DCAF6: variants seen among roughly 807,000 people sequenced by gnomAD.
The protein encoded by DCAF6 is DDB1- and CUL4-associated factor 6.
In DCAF6, 54 loss-of-function variants were observed where a neutral mutation model predicts 125.1. The ratio of observed to expected loss-of-function variants is 0.43; its 90% CI spans 0.35 to 0.54. The LOEUF is 0.54. Among genes scored for constraint, DCAF6 ranks in the 20% least tolerant of loss-of-function variants. DCAF6 has a pLI of 0.01. For missense variants in DCAF6, 934 were observed against 1,161.7 expected, an observed-to-expected ratio of 0.80 and a Z score of 2.85; for synonymous variants, 371 against 390.4, an observed-to-expected ratio of 0.95 and a Z score of 0.58.
chr1:168,022,985 C>A lies in DCAF6; in HGVS notation c.1550-3C>A. ...TTAAGTTGAAATCTCATTTTTGTTTCAGATTCTCCTTCTTCTGTGGTTAAC... is the reference window on the plus strand; with the variant it reads ...TTAAGTTGAAATCTCATTTTTGTTTAAGATTCTCCTTCTTCTGTGGTTAAC... On this transcript the variant is annotated splice_polypyrimidine_tract_variant and splice_region_variant and intron_variant, in intron 11 of 21. Transcript: ENST00000367840. 6.2e-7 allele frequency: 1 copy of A among 1,613,916 alleles called. No individual in the cohort carries two copies. The highest frequency in any genetic ancestry group is 2.2e-5 in the East Asian group (1 of 44,870).
At chr1:168,067,629 C>T (rs987446517) in intron 20 of DCAF6, among the ~76,000 whole-genome samples, 7 of 152,268 alleles carry the variant, frequency 4.6e-5, no homozygotes, top group Admixed American at 1.3e-4. Context: ...TCAAACTAAA[C>T]GGTTAGGTGA....
intron 10 of DCAF6, among the ~76,000 whole-genome samples, chr1:168,005,065 G>T (rs1447381221): frequency 4.6e-5 from 7 of 152,024 alleles, no homozygotes; most frequent in Admixed American, 4.6e-4. Flanking sequence ...AGTTTAATGT[G>T]CCTGACTTAA....
chr1:167,888,833 G>C, the DCAF6 span, among the ~76,000 whole-genome samples: 1 of 56,066 alleles, frequency 1.8e-5, no homozygotes, highest in Admixed American at 2.0e-4. Context: ...CCGAGACAGC[G>C]CAACTGCAGT....
At chr1:167,876,022 C>T in the DCAF6 span, among the ~76,000 whole-genome samples, 21 of 152,066 alleles carry the variant, frequency 1.4e-4, no homozygotes, top group African/African-American at 3.9e-4. Context: ...TTTGGGAGGC[C>T]GAGGCAGGTG....
intron 2 of DCAF6, among the ~76,000 whole-genome samples, chr1:167,960,688 C>T (rs111624453): frequency 6.6e-6 from 1 of 152,138 alleles, no homozygotes; most frequent in Admixed American, 6.5e-5. Context: ...TAAGAGTAGA[C>T]ACTGTATGAT....
the DCAF6 span, chr1:167,902,113 A>C: frequency 1.3e-6 from 2 of 1,503,410 alleles, no homozygotes. Context: ...GTAAAAAAAC[A>C]TCATTCTTTC....
At chr1:167,895,456 T>C in the DCAF6 span, among the ~76,000 whole-genome samples, 57 of 152,286 alleles carry the variant, frequency 3.7e-4, 1 homozygote, top group South Asian at 0.011. Context: ...TCTAAAATAC[T>C]CCAGACCTGT....
At chr1:167,886,253 A>C in the DCAF6 span, among the ~76,000 whole-genome samples, 1 of 152,192 alleles carries the variant, frequency 6.6e-6, no homozygotes, top group Non-Finnish European at 1.5e-5. Flanking sequence ...AATCCTAAGC[A>C]AAAAGAACAA....
intron 3 of DCAF6, among the ~76,000 whole-genome samples, chr1:167,974,582 T>C (rs1344908785): frequency 1.3e-5 from 2 of 152,272 alleles, no homozygotes; most frequent in East Asian, 3.9e-4. Context: ...TAAATGGAAA[T>C]ATGCATGTTT....
At chr1:167,936,144 C>G (rs1258526844), upstream of DCAF6, 4 of 355,848 alleles carry the variant, frequency 1.1e-5, no homozygotes, top group Non-Finnish European at 2.1e-5. Context: ...CAAGTCTGCG[C>G]TGCGCCCTGC....
chr1:168,045,305 T>C, intron 16 of DCAF6, 78 bp downstream of exon 16: 2 of 1,337,320 alleles, frequency 1.5e-6, no homozygotes, highest in South Asian at 3.1e-5. Context: ...GAAGGGAATC[T>C]CTCCATTTTT....
At position 167,969,094 on chromosome 1, in the gene DCAF6, C is replaced by A. The variant is rs1448310528; in HGVS notation, c.252+2373C>A. The stretch of plus-strand genomic sequence containing the variant: ...ACCAAGTTATTTAAACTTTCCTTAG[C>A]CTTTTTCTTCATATATTAAGAAAGT... On this transcript the variant is annotated intron_variant, in intron 3 of 21. Transcript: ENST00000367840. 9.9e-5 allele frequency: 15 copies of A among 151,746 alleles called. 1 individual carries two copies. The highest frequency in any genetic ancestry group is 9.9e-4 in the Admixed American group (15 of 15,222). The allele number at this position is 151,746 out of a possible 1,614,324, so 9.4% of individuals were successfully genotyped here. A position where few individuals can be genotyped will look rare whatever the true frequency, so the allele number is the denominator to read the frequency against.
At chr1:167,930,346 T>C in the DCAF6 span, among the ~76,000 whole-genome samples, 2,324 of 152,294 alleles carry the variant, frequency 0.015, 56 homozygotes, top group African/African-American at 0.051. Flanking sequence ...AAAGAATCAG[T>C]TACTTTTAGA....
intron 12 of DCAF6, among the ~76,000 whole-genome samples, chr1:168,029,815 T>TG (rs1686821405): frequency 6.6e-6 from 1 of 151,640 alleles, no homozygotes; most frequent in African/African-American, 2.4e-5. Context: ...CCCGTCTCTA[T>TG]GAAAAACACA....
chr1:168,057,066 C>T (rs191561052), intron 17 of DCAF6, among the ~76,000 whole-genome samples: 49 of 152,190 alleles, frequency 3.2e-4, no homozygotes, highest in Admixed American at 2.3e-3. Flanking sequence ...CATTCCTGGT[C>T]CTCTCCTAAT....
chr1:167,930,823 T>C (rs1398284379), upstream of DCAF6, among the ~76,000 whole-genome samples: 2 of 152,254 alleles, frequency 1.3e-5, no homozygotes, highest in African/African-American at 2.4e-5. Flanking sequence ...AATGATAAAC[T>C]ATTTATAGCT....
chr1:167,903,727 TTATAC>T, the DCAF6 span, among the ~76,000 whole-genome samples: 3 of 152,346 alleles, frequency 2.0e-5, no homozygotes, highest in African/African-American at 7.2e-5. Flanking sequence ...ATTTCTTCAG[TTATAC>T]TATATCATAT....
chr1:168,037,149 C>G lies in DCAF6; in HGVS notation c.1610-1222C>G, dbSNP rs74725546. On this transcript the variant is annotated intron_variant, in intron 12 of 21. Coordinates refer to ENST00000367840, the MANE Select transcript of DCAF6 (RefSeq NM_001198956.2). ...GATGAGGTCTCACCCAGACTCGACTCGAACTCCTGGGCTTAAGGGTTCCTC... is the reference window on the plus strand; with the variant it reads ...GATGAGGTCTCACCCAGACTCGACTGGAACTCCTGGGCTTAAGGGTTCCTC... Among the ~76,000 whole-genome samples, 657 of 143,684 alleles carry G rather than the reference C, an allele frequency of 4.6e-3. 5 individuals are homozygous for G. The highest frequency in any genetic ancestry group is 0.016 in the African/African-American group (614 of 38,866). 94.3% of individuals were successfully genotyped at this position (143,684 alleles called of 152,430 possible). A position where few individuals can be genotyped will look rare whatever the true frequency, so the allele number is the denominator to read the frequency against.
At chr1:167,909,990 C>T in the DCAF6 span, among the ~76,000 whole-genome samples, 7 of 152,320 alleles carry the variant, frequency 4.6e-5, no homozygotes, top group South Asian at 1.4e-3. Flanking sequence ...CATGTGCTAT[C>T]TACAGATCTC....
Sources: gnomAD v4.1 joint callset for allele counts (sites outside exome capture counted in the v4.1 genomes callset) on GRCh38, gnomAD v4.1.1 for gene constraint, MANE v1.5 for transcripts, NCBI Gene and HGNC (gene_info 2026-07-23, HGNC 2026-07-21) for gene names.